The following PTP4A1 variants were observed in gnomAD, a reference collection of about 807,000 sequenced individuals.
The protein encoded by PTP4A1 is protein tyrosine phosphatase type IVA 1.
In PTP4A1, 9 loss-of-function variants were observed where a neutral mutation model predicts 20.5. That is an observed-to-expected ratio of 0.44 (90% CI 0.26 to 0.77). PTP4A1 has a LOEUF of 0.77. Ranked by LOEUF, PTP4A1 falls within the 30% of genes least tolerant of loss-of-function variation. The pLI is 0.19. For synonymous variants in PTP4A1, 78 were observed against 67.4 expected (o/e 1.16, Z -0.77); for missense variants, 137 against 218.8 (o/e 0.63, Z 2.36).
At chr6:63,577,897 T>C (rs1306871102) in intron 2 of PTP4A1, among the ~76,000 whole-genome samples, 1 of 150,010 alleles carries the variant, frequency 6.7e-6, no homozygotes, top group African/African-American at 2.4e-5. Context: ...TAGTATATTA[T>C]ATTAGTAATA....
At chr6:63,571,694 G>T (rs1777434331), upstream of PTP4A1, 4 of 152,208 alleles carry the variant, frequency 2.6e-5, no homozygotes, top group South Asian at 8.3e-4. Flanking sequence ...GGATGCATGT[G>T]ATTTCGAAAT....
At chr6:63,554,677 C>T (rs1485830046) in intron 3 of PTP4A1, among the ~76,000 whole-genome samples, 3 of 152,104 alleles carry the variant, frequency 2.0e-5, no homozygotes, top group Non-Finnish European at 4.4e-5. Flanking sequence ...GTCCCAGCTA[C>T]TGGAGAGGCT....
Position 63,576,910 on chromosome 6 carries a change from G to A in PTP4A1, c.30G>A (p.Val10=). The change falls in exon 2 of 6, where the codon GTG becomes GTA. Residue 10 remains valine (V), a synonymous_variant. Coordinates refer to ENST00000626021, the MANE Select transcript of PTP4A1 (RefSeq NM_003463.5). MARMNRPAP[V]EVTYKNMRFL... ...CTCGAATGAACCGCCCAGCTCCTGT[G>A]GAAGTCACATACAAGAACATGAGAT... 6.2e-7 allele frequency: 1 copy of A among 1,613,574 alleles called. No homozygotes were observed. Among genetic ancestry groups the A allele is most frequent in the South Asian group, 1.1e-5 (1 of 91,044 alleles).
chr6:63,550,789 T>A (rs965487791), intron 3 of PTP4A1, among the ~76,000 whole-genome samples: 1 of 152,058 alleles, frequency 6.6e-6, no homozygotes, highest in Non-Finnish European at 1.5e-5. Flanking sequence ...CATGCCCGTC[T>A]AATTTTTGTG....
intron 2 of PTP4A1, among the ~76,000 whole-genome samples, chr6:63,578,101 C>T (rs1777989448): frequency 6.6e-6 from 1 of 151,992 alleles, no homozygotes; most frequent in African/African-American, 2.4e-5. Context: ...TGCTGCTAGC[C>T]CCTTTTGGTT....
chr6:63,559,851 T>A (rs1327489896), intron 3 of PTP4A1, among the ~76,000 whole-genome samples: 2 of 152,164 alleles, frequency 1.3e-5, no homozygotes, highest in Non-Finnish European at 2.9e-5. Flanking sequence ...GGTTTCGAAC[T>A]CCTGGGCTCA....
At chr6:63,533,438 A>G (rs1291054791) in intron 2 of PTP4A1, among the ~76,000 whole-genome samples, 4 of 152,220 alleles carry the variant, frequency 2.6e-5, no homozygotes, top group Admixed American at 6.6e-5. Flanking sequence ...TTAATTTTGT[A>G]TTACACAGAA....
At chr6:63,559,513 G>T (rs1364562838) in intron 3 of PTP4A1, among the ~76,000 whole-genome samples, 2 of 152,142 alleles carry the variant, frequency 1.3e-5, no homozygotes, top group Non-Finnish European at 2.9e-5. Flanking sequence ...TTGGGAGGCC[G>T]AGGTGGGCGG....
At chr6:63,566,185 AAGACAGGGCTGG>A (rs1161218714) in intron 3 of PTP4A1, among the ~76,000 whole-genome samples, 1 of 152,254 alleles carries the variant, frequency 6.6e-6, no homozygotes, top group Non-Finnish European at 1.5e-5. Flanking sequence ...AAACCATTTG[AAGACAGGGCTGG>A]TTTGAGATTT....
chr6:63,568,639 T>C (rs1045100812), upstream of PTP4A1, among the ~76,000 whole-genome samples: 13 of 151,224 alleles, frequency 8.6e-5, no homozygotes, highest in Non-Finnish European at 1.5e-5. Flanking sequence ...CAAAAAGCTG[T>C]CACAAACCAT....
chr6:63,548,821 A>C (rs1353403769), intron 2 of PTP4A1: 1 of 749,138 alleles, frequency 1.3e-6, no homozygotes, highest in Non-Finnish European at 2.4e-6. Flanking sequence ...ATCTCATTGT[A>C]TCTGTCATTG....
chr6:63,564,132 G>A (rs746921288), intron 3 of PTP4A1, among the ~76,000 whole-genome samples: 65 of 152,054 alleles, frequency 4.3e-4, no homozygotes, highest in Admixed American at 2.0e-4. Context: ...AAAATTAGCC[G>A]GGTGTGGTGG....
chr6:63,540,902 C>T (rs1775938785), intron 2 of PTP4A1, among the ~76,000 whole-genome samples: 2 of 151,068 alleles, frequency 1.3e-5, no homozygotes. Flanking sequence ...ACTCGGGAGG[C>T]TGAGGTAGGA....
intron 3 of PTP4A1, among the ~76,000 whole-genome samples, chr6:63,553,339 T>C (rs1776533189): frequency 6.6e-6 from 1 of 152,222 alleles, no homozygotes; most frequent in South Asian, 2.1e-4. Context: ...CGGGTTCAGA[T>C]AGAATCTCCT....
chr6:63,517,548 C>T (rs1034215792), upstream of PTP4A1, among the ~76,000 whole-genome samples: 5 of 152,054 alleles, frequency 3.3e-5, no homozygotes, highest in South Asian at 6.2e-4. Context: ...AACAATAGCA[C>T]TATGAACAAA....
chr6:63,554,599 A>C (rs1319864905), intron 3 of PTP4A1, among the ~76,000 whole-genome samples: 1 of 152,158 alleles, frequency 6.6e-6, no homozygotes, highest in Non-Finnish European at 1.5e-5. Context: ...GGAGTTCAAG[A>C]CCAGCCTGGC....
chr6:63,549,061 T>C (rs1319314316), intron 2 of PTP4A1: 1 of 719,882 alleles, frequency 1.4e-6, no homozygotes, highest in Admixed American at 1.9e-5. Context: ...TGAGCTTTCT[T>C]ATTCTCTAGC....
upstream of PTP4A1, among the ~76,000 whole-genome samples, chr6:63,568,017 T>G (rs1777262387): frequency 1.3e-5 from 2 of 152,228 alleles, no homozygotes. Context: ...AGTTAAGGCC[T>G]TGCTCTGAAT....
At chr6:63,552,578 C>T (rs1776499986) in intron 3 of PTP4A1, among the ~76,000 whole-genome samples, 1 of 152,148 alleles carries the variant, frequency 6.6e-6, no homozygotes, top group African/African-American at 2.4e-5. Flanking sequence ...GTTGCCATTG[C>T]TTTTGGTGTT....
Sources: gnomAD v4.1 joint callset for allele counts (sites outside exome capture counted in the v4.1 genomes callset) on GRCh38, gnomAD v4.1.1 for gene constraint, MANE v1.5 for transcripts, NCBI Gene and HGNC (gene_info 2026-07-23, HGNC 2026-07-21) for gene names.